The following NAP1L1 variants were observed in gnomAD, a reference collection of about 807,000 sequenced individuals.
NAP1L1 encodes the protein nucleosome assembly protein 1-like 1.
A neutral mutation model predicts 58.9 loss-of-function variants in NAP1L1; 9 were observed. The ratio of observed to expected loss-of-function variants is 0.15; its 90% CI spans 0.09 to 0.27. The LOEUF (loss-of-function observed/expected upper bound fraction) is 0.27. NAP1L1 is among the 10% of genes least tolerant of loss of function. NAP1L1 has a pLI of 1.00. For synonymous variants in NAP1L1, 130 were observed against 138.3 expected (o/e 0.94, Z 0.42); for missense variants, 302 against 458.8 (o/e 0.66, Z 3.12).
intron 5 of NAP1L1, 80 bp from the exon 6 acceptor site, chr12:76,059,958 T>A: frequency 7.8e-7 from 1 of 1,286,838 alleles, no homozygotes. Flanking sequence ...CTAAGAAGTC[T>A]TACAAATTTA....
intron 2 of NAP1L1, among the ~76,000 whole-genome samples, chr12:76,069,574 A>G (rs1300850157): frequency 1.3e-5 from 2 of 152,206 alleles, no homozygotes. Context: ...CATCCTAGAG[A>G]ATGAAAGCCA....
Position 76,078,028 on chromosome 12 carries a change from T to C in NAP1L1, c.-20-3789A>G, listed in dbSNP as rs60291429. ...GAAAAGAATTAAAAGTACAGATGTT[T>C]TTTAACAAAAACATTTTGTTAAAAA... On this transcript the variant is annotated intron_variant, in intron 1 of 14. Transcript: ENST00000618691. Among the ~76,000 whole-genome samples, 664 of 151,474 alleles carry C rather than the reference T, an allele frequency of 4.4e-3. 7 individuals are homozygous for C. Among genetic ancestry groups the C allele is most frequent in the African/African-American group, 0.015 (628 of 41,246 alleles).
intron 2 of NAP1L1, chr12:76,073,927 A>C (rs2137083462): frequency 3.1e-6 from 1 of 326,536 alleles, no homozygotes; most frequent in South Asian, 8.5e-5. Flanking sequence ...TGAATTCTGC[A>C]AGTATTTATA....
intron 6 of NAP1L1, 173 bp downstream of exon 6, chr12:76,059,625 C>T (rs1488696878): frequency 1.6e-5 from 9 of 550,664 alleles, no homozygotes; most frequent in Non-Finnish European, 2.8e-5. Flanking sequence ...TCTTGAATGA[C>T]TGTTTTTTAA....
intron 13 of NAP1L1, 127 bp downstream of exon 13, chr12:76,049,629 T>C: frequency 2.0e-6 from 3 of 1,525,028 alleles, no homozygotes; most frequent in South Asian, 2.3e-5. Flanking sequence ...AATTCTAAAA[T>C]CATGTTTTCC....
intron 1 of NAP1L1, among the ~76,000 whole-genome samples, chr12:76,077,897 T>C (rs942638593): frequency 2.0e-5 from 3 of 148,524 alleles, no homozygotes; most frequent in African/African-American, 7.5e-5. Flanking sequence ...GGCAGGAGAA[T>C]TGCTTGAACC....
chr12:76,063,881 T>TAAAAAAAAAAA (rs10693123), intron 4 of NAP1L1, among the ~76,000 whole-genome samples: 1 of 137,498 alleles, frequency 7.3e-6, no homozygotes. Flanking sequence ...GTTAAAAGTT[T>TAAAAAAAAAAA]AAAAAAAAAA....
At chr12:76,080,247 C>T (rs1950349890) in intron 1 of NAP1L1, among the ~76,000 whole-genome samples, 1 of 152,096 alleles carries the variant, frequency 6.6e-6, no homozygotes, top group East Asian at 1.9e-4. Flanking sequence ...TGTGGTGATG[C>T]TGGTATAAAC....
At chr12:76,056,182 C>T in intron 6 of NAP1L1, 21 bp from the exon 7 acceptor site, 3 of 1,603,206 alleles carry the variant, frequency 1.9e-6, no homozygotes, top group Non-Finnish European at 2.6e-6. Flanking sequence ...TGACAGCAAA[C>T]ATTATTTAAT....
At chr12:76,062,757 T>C (rs1045606314) in intron 4 of NAP1L1, among the ~76,000 whole-genome samples, 4 of 152,170 alleles carry the variant, frequency 2.6e-5, no homozygotes, top group African/African-American at 9.7e-5. Flanking sequence ...AAAGTAGCAA[T>C]AGCTGACAGA....
intron 14 of NAP1L1, among the ~76,000 whole-genome samples, chr12:76,048,828 T>C (rs945336925): frequency 3.9e-5 from 6 of 152,082 alleles, no homozygotes; most frequent in Non-Finnish European, 4.4e-5. Flanking sequence ...GTAAGAGTAG[T>C]TGGAAGGATC....
chr12:76,054,382 A>T (rs1948980040), intron 8 of NAP1L1, among the ~76,000 whole-genome samples: 1 of 152,202 alleles, frequency 6.6e-6, no homozygotes, highest in Admixed American at 6.5e-5. Context: ...AATTATGTTA[A>T]AATCAAAAAA....
At chr12:76,067,598 T>A in intron 3 of NAP1L1, 125 bp from the exon 4 acceptor site, 1 of 640,172 alleles carries the variant, frequency 1.6e-6, no homozygotes, top group Non-Finnish European at 2.7e-6. Flanking sequence ...ATCTAATGAG[T>A]AGAGACGGGC....
chr12:76,053,466 G>A (rs1301861145), intron 9 of NAP1L1, 116 bp from the exon 10 acceptor site: 3 of 1,227,136 alleles, frequency 2.4e-6, no homozygotes, highest in Non-Finnish European at 3.4e-6. Context: ...TGCTTCAAAT[G>A]TTTTCTATAG....
chr12:76,080,432 A>C (rs1263796910), intron 1 of NAP1L1, among the ~76,000 whole-genome samples: 1 of 152,222 alleles, frequency 6.6e-6, no homozygotes, highest in East Asian at 1.9e-4. Context: ...ACAGTATTCA[A>C]CATAGCAACA....
At chr12:76,049,675 G>C (rs1180102921) in intron 13 of NAP1L1, 81 bp downstream of exon 13, 1 of 1,571,060 alleles carries the variant, frequency 6.4e-7, no homozygotes, top group East Asian at 2.2e-5. Flanking sequence ...AATGATTATA[G>C]CAAAGGAATA....
In NAP1L1 at chr12:76,045,717, T is replaced by C. The variant is rs558399372; in HGVS notation, c.*2712A>G. The C allele has an allele frequency of 1.3e-5, 2 of 152,216 alleles. No homozygotes were observed. The highest frequency in any genetic ancestry group is 2.1e-4 in the South Asian group (1 of 4,832). The allele number at this position is 152,216 out of a possible 1,614,324, so 9.4% of individuals were successfully genotyped here. A position where few individuals can be genotyped will look rare whatever the true frequency, so the allele number is the denominator to read the frequency against. ...TATATATGTGGCTTTCAGACATCCA[T>C]GTTAAACTATCAACTTGTGGAATTT... is the stretch of plus-strand genomic sequence containing the variant. On this transcript the variant is annotated 3_prime_UTR_variant, in exon 15 of 15. Coordinates refer to ENST00000618691, the MANE Select transcript of NAP1L1 (RefSeq NM_004537.7).
chr12:76,065,592 A>C (rs1338709751), intron 4 of NAP1L1, among the ~76,000 whole-genome samples: 3 of 152,074 alleles, frequency 2.0e-5, no homozygotes, highest in African/African-American at 7.2e-5. Context: ...AAAATACAAA[A>C]AAGATGCTAT....
At chr12:76,057,798 A>G in intron 6 of NAP1L1, 1 of 1,551,560 alleles carries the variant, frequency 6.4e-7, no homozygotes, top group Non-Finnish European at 8.7e-7. Flanking sequence ...AAGGAACAGC[A>G]GGGGAAGAAG....
Sources: allele counts gnomAD v4.1 joint callset (sites outside exome capture counted in the v4.1 genomes callset), GRCh38; gene constraint gnomAD v4.1.1; transcripts MANE v1.5; gene names NCBI Gene and HGNC (gene_info 2026-07-23, HGNC 2026-07-21).